RBM39: variants seen among roughly 807,000 people sequenced by gnomAD.
RBM39 encodes the protein RNA binding motif protein 39.
RBM39 carries 12 observed loss-of-function variants against 79.6 expected under a neutral mutation model. The ratio of observed to expected loss-of-function variants is 0.15; its 90% CI spans 0.10 to 0.24. The LOEUF (loss-of-function observed/expected upper bound fraction) is 0.24. RBM39 is among the 10% of genes least tolerant of loss of function. The probability of loss-of-function intolerance (pLI) is 1.00; values close to 1 mark genes in which losing one functional copy is unlikely to be tolerated. For missense variants in RBM39, 243 were observed against 653.4 expected, an observed-to-expected ratio of 0.37 and a Z score of 6.85; for synonymous variants, 185 against 208.4, an observed-to-expected ratio of 0.89 and a Z score of 0.97.
At position 35,729,502 on chromosome 20, in the gene RBM39, T is replaced by C. The variant is rs1357788467; in HGVS notation, c.322A>G (p.Ile108Val). The change falls in exon 5 of 17, where the codon ATC becomes GTC. Residue 108 changes from isoleucine (I) to valine (V), a missense_variant. This residue lies in a region of RBM39 where 115 missense variants were observed against 184.1 expected (regional missense o/e 0.62). Transcript: ENST00000253363. Reference sequence around the variant, plus strand: ...TGAGGCAACCCAATCTTTCCTCGGATGGCACTGTTAAATTTTGGTCCGGAG... The same window carrying C: ...TGAGGCAACCCAATCTTTCCTCGGACGGCACTGTTAAATTTTGGTCCGGAG... ...PYSGPKFNSAIRGKIGLPHSI... is the reference protein window; with the variant it reads ...PYSGPKFNSAVRGKIGLPHSI... The C allele has an allele frequency of 6.2e-7, 1 of 1,614,012 alleles. No homozygotes were observed. Among genetic ancestry groups the C allele is most frequent in the East Asian group, 2.2e-5 (1 of 44,884 alleles).
Position 35,704,293 on chromosome 20 carries a change from G to A in RBM39, c.*188C>T. ...AAGAGAACAGTTTTGTATACAGTGG[G>A]ATTTACTATTTAGGGAGAATGAGCA... On this transcript the variant is annotated 3_prime_UTR_variant, in exon 17 of 17. Transcript: ENST00000253363. 1 of 490,586 alleles carries A rather than the reference G, an allele frequency of 2.0e-6. No individual in the cohort carries two copies. Among genetic ancestry groups the A allele is most frequent in the Non-Finnish European group, 3.6e-6 (1 of 275,910 alleles). The allele number at this position is 490,586 out of a possible 1,614,324, so 30.4% of individuals were successfully genotyped here.
intron 4 of RBM39, chr20:35,731,353 A>G (rs966221321): frequency 4.6e-5 from 7 of 152,284 alleles, no homozygotes; most frequent in Non-Finnish European, 2.9e-5. Flanking sequence ...TCTAATCTTC[A>G]AAACACTTTT....
intron 7 of RBM39, 138 bp from the exon 8 acceptor site, chr20:35,724,860 CTATCTT>C (rs1279979474): frequency 2.6e-6 from 3 of 1,169,112 alleles, no homozygotes; most frequent in Non-Finnish European, 3.6e-6. Context: ...TTCCTATATC[CTATCTT>C]TATCTTTGAA....
chr20:35,728,835 TGA>T (rs1171511009), intron 6 of RBM39, among the ~76,000 whole-genome samples: 1 of 151,860 alleles, frequency 6.6e-6, no homozygotes, highest in African/African-American at 2.4e-5. Context: ...CCTACCACTT[TGA>T]GAGGCCAAGG....
intron 1 of RBM39, chr20:35,741,410 G>A (rs1033270559): frequency 5.9e-5 from 9 of 153,676 alleles, no homozygotes; most frequent in African/African-American, 2.2e-4. Flanking sequence ...ACCTCCAAAA[G>A]CCCTACAATT....
rs564694825 is a variant in RBM39, at chr20:35,708,768, T to TG, written c.1225+455dup. On this transcript the variant is annotated intron_variant, in intron 13 of 16. Transcript: ENST00000253363. ...GTATAAACCTCTTATTGCTTGGTAC[T>TG]GGCTTAAATAAATCACTGAGTACTA... 704 of 156,774 alleles carry TG rather than the reference T, an allele frequency of 4.5e-3. 10 individuals are homozygous for TG. Among genetic ancestry groups the TG allele is most frequent in the Non-Finnish European group, 4.1e-3 (290 of 70,692 alleles). The allele number at this position is 156,774 out of a possible 1,614,324, so 9.7% of individuals were successfully genotyped here.
chr20:35,705,526 G>A (rs769065698), intron 14 of RBM39, 196 bp from the exon 15 acceptor site: 160 of 416,928 alleles, frequency 3.8e-4, no homozygotes, highest in Admixed American at 3.1e-4. Context: ...GGCCGGGCGC[G>A]GTGACTCATG....
chr20:35,740,900 C>T lies in RBM39; in HGVS notation c.-13-13G>A, dbSNP rs144406998. ...TTTCTCTAAACGCCTAGGAAGAGAA[C>T]AAGACAATTTCTTGAGTAAACATTT... On this transcript the variant is annotated splice_polypyrimidine_tract_variant and intron_variant, in intron 1 of 16. Transcript: ENST00000253363. 30 of 1,585,668 alleles carry T rather than the reference C, an allele frequency of 1.9e-5. No homozygotes were observed. In the East Asian group the frequency reaches 6.3e-4, roughly 33 times the overall value.
chr20:35,730,473 C>T (rs2039245535), intron 4 of RBM39, among the ~76,000 whole-genome samples: 1 of 152,182 alleles, frequency 6.6e-6, no homozygotes, highest in African/African-American at 2.4e-5. Context: ...ATTAACTTGA[C>T]CCTTTGCAAT....
intron 9 of RBM39, among the ~76,000 whole-genome samples, chr20:35,720,284 A>C (rs2146589657): frequency 6.6e-6 from 1 of 152,266 alleles, no homozygotes; most frequent in South Asian, 2.1e-4. Context: ...TCTAGAACAA[A>C]AGCCAAGCTG....
intron 7 of RBM39, 114 bp downstream of exon 7, chr20:35,724,924 T>C (rs540147615): frequency 3.0e-6 from 3 of 1,013,788 alleles, no homozygotes; most frequent in African/African-American, 3.2e-5. Context: ...AGAGGCAAAA[T>C]GGAAACATTA....
chr20:35,721,649 CAG>C (rs2037955650), intron 9 of RBM39, 89 bp downstream of exon 9: 1 of 1,435,046 alleles, frequency 7.0e-7, no homozygotes, highest in Non-Finnish European at 9.4e-7. Context: ...TATTAACTCA[CAG>C]AAAGATAACA....
intron 12 of RBM39, 39 bp downstream of exon 12, chr20:35,712,980 G>T: frequency 6.4e-7 from 1 of 1,559,780 alleles, no homozygotes; most frequent in Non-Finnish European, 8.7e-7. Flanking sequence ...CGAATTAGAT[G>T]AAAAAACGAT....
intron 3 of RBM39, chr20:35,734,934 T>C (rs779894671): frequency 6.3e-7 from 1 of 1,589,102 alleles, no homozygotes; most frequent in South Asian, 1.2e-5. Flanking sequence ...GCAGTGAAAT[T>C]TTGTACTGAA....
intron 2 of RBM39, chr20:35,739,648 C>A: frequency 2.5e-6 from 1 of 407,350 alleles, no homozygotes; most frequent in Non-Finnish European, 5.2e-6. Context: ...ACATTTCCTA[C>A]TTCCATACCT....
intron 12 of RBM39, among the ~76,000 whole-genome samples, chr20:35,712,430 T>C (rs1161420233): frequency 3.3e-5 from 3 of 89,990 alleles, no homozygotes; most frequent in Non-Finnish European, 5.9e-5. Flanking sequence ...AAGTCTACTG[T>C]TATCCAAAAA....
At chr20:35,717,381 G>T (rs903003967) in intron 9 of RBM39, among the ~76,000 whole-genome samples, 2 of 150,976 alleles carry the variant, frequency 1.3e-5, no homozygotes, top group African/African-American at 4.9e-5. Flanking sequence ...AACTATGATT[G>T]TAACCTAAGA....
chr20:35,740,361 T>A (rs2040392305), intron 2 of RBM39: 3 of 352,222 alleles, frequency 8.5e-6, no homozygotes, highest in Non-Finnish European at 1.7e-5. Context: ...TGTTAGAAGA[T>A]TTAACTTGCC....
intron 3 of RBM39, chr20:35,734,855 G>C (rs2039740263): frequency 6.9e-7 from 1 of 1,454,156 alleles, no homozygotes; most frequent in Non-Finnish European, 9.1e-7. Context: ...CTAAAGAAGG[G>C]TTATCGAAAT....
Sources: gnomAD v4.1 joint callset for allele counts (sites outside exome capture counted in the v4.1 genomes callset) on GRCh38, gnomAD v4.1.1 for gene constraint, gnomAD v4.1.1 regional missense constraint, MANE v1.5 for transcripts, NCBI Gene and HGNC (gene_info 2026-07-23, HGNC 2026-07-21) for gene names.